Variants in DARS2 observed in about 807,000 individuals in gnomAD.
DARS2 encodes aspartate--tRNA ligase, mitochondrial.
In DARS2, 63 loss-of-function variants were observed where a neutral mutation model predicts 83.0. The observed-to-expected ratio is 0.76, with a 90% confidence interval of 0.62 to 0.94. The LOEUF is 0.94. DARS2 is among the 40% of genes least tolerant of loss of function. The pLI, the probability that DARS2 is intolerant of heterozygous loss-of-function variation, is 0.00. For missense variants in DARS2, 675 were observed against 774.4 expected, an observed-to-expected ratio of 0.87 and a Z score of 1.52; for synonymous variants, 250 against 269.3, an observed-to-expected ratio of 0.93 and a Z score of 0.70.
intron 15 of DARS2, among the ~76,000 whole-genome samples, chr1:173,855,559 T>G (rs900213537): frequency 2.6e-5 from 4 of 152,166 alleles, no homozygotes; most frequent in Non-Finnish European, 4.4e-5. Context: ...AGCCTCAAAC[T>G]CCTGGGATCA....
At chr1:173,832,683 C>A (rs1269093346) in intron 5 of DARS2, among the ~76,000 whole-genome samples, 1 of 150,652 alleles carries the variant, frequency 6.6e-6, no homozygotes, top group Non-Finnish European at 1.5e-5. Flanking sequence ...GCAGGAGAAT[C>A]GCTTGAACCC....
At chr1:173,844,235 C>A (rs1218259514) in intron 11 of DARS2, among the ~76,000 whole-genome samples, 1 of 152,142 alleles carries the variant, frequency 6.6e-6, no homozygotes. Flanking sequence ...TTTTAAGAAA[C>A]CTCAAATAAT....
intron 7 of DARS2, 55 bp downstream of exon 7, chr1:173,834,574 A>G: frequency 7.1e-7 from 1 of 1,406,966 alleles, no homozygotes; most frequent in Middle Eastern, 1.8e-4. Flanking sequence ...TTATAAAGCT[A>G]GACTACTTTG....
chr1:173,853,327 T>C (rs775586475), intron 13 of DARS2, 22 bp from the exon 14 acceptor site: 2 of 1,607,436 alleles, frequency 1.2e-6, no homozygotes, highest in African/African-American at 1.3e-5. Flanking sequence ...GTTAACTCAA[T>C]GTTTACGTCT....
At chr1:173,834,634 A>G in intron 7 of DARS2, 115 bp downstream of exon 7, 1 of 627,706 alleles carries the variant, frequency 1.6e-6, no homozygotes, top group Non-Finnish European at 2.8e-6. Flanking sequence ...GGATGGTCAT[A>G]TTAACTAGGT....
rs569842479 is a variant in DARS2 at position 173,845,282 on chromosome 1, T to C, written c.1182T>C (p.His394=). ...IESIRNFAAD[H]FNQEILPVFL... ...CCATTAGAAACTTTGCAGCTGACCA[T>C]TTTAATCAGGTAAGGAGTTAATTAG... The change falls in exon 12 of 17, where the codon CAT becomes CAC. Residue 394 remains histidine (H), a synonymous_variant. Transcript: ENST00000649689. 77 of 1,609,772 alleles carry C rather than the reference T, an allele frequency of 4.8e-5. No homozygotes were observed. The South Asian group carries it at 8.0e-4, about 17-fold the overall frequency.
In DARS2 at chr1:173,836,959, T is replaced by G; in HGVS notation, c.683T>G (p.Val228Gly). The G allele has an allele frequency of 1.2e-6, 2 of 1,613,998 alleles. No individual in the cohort carries two copies. The highest frequency in any genetic ancestry group is 1.7e-6 in the Non-Finnish European group (2 of 1,179,916). ...TGAAAGGGTGCCAAAGAGTTTTTAGTACCATCCAGGGAACCTGGAAAGTTT... is the reference window on the plus strand; with the variant it reads ...TGAAAGGGTGCCAAAGAGTTTTTAGGACCATCCAGGGAACCTGGAAAGTTT... Reference protein sequence around the residue: ...RTPGGAKEFLVPSREPGKFYS... With the variant: ...RTPGGAKEFLGPSREPGKFYS... The change falls in exon 8 of 17, where the codon GTA (valine) becomes GGA (glycine). Residue 228 changes from valine to glycine, a missense_variant. Transcript: ENST00000649689.
In DARS2 at chr1:173,824,908, C is replaced by G. The variant is rs1377151838; in HGVS notation, c.-322C>G. 2 of 356,456 alleles carry G rather than the reference C, an allele frequency of 5.6e-6. No individual in the cohort carries two copies. The highest frequency in any genetic ancestry group is 1.1e-5 in the Non-Finnish European group (2 of 182,580). The allele number at this position is 356,456 out of a possible 1,614,324, so 22.1% of individuals were successfully genotyped here. A position where few individuals can be genotyped will look rare whatever the true frequency, so the allele number is the denominator to read the frequency against. On this transcript the variant is annotated 5_prime_UTR_variant, in exon 1 of 17. Transcript: ENST00000649689. ...CGCCTCTGGTTGTCTTGGGCTCGCG[C>G]CTGGCGCCGCTACGTGGAGTCGCTC...
At position 173,850,460 on chromosome 1, in the gene DARS2, C is replaced by T; in HGVS notation, c.1325C>T (p.Ala442Val). 1 of 1,613,980 alleles carries T rather than the reference C, an allele frequency of 6.2e-7. No homozygotes were observed. The highest frequency in any genetic ancestry group is 8.5e-7 in the Non-Finnish European group (1 of 1,179,930). The change falls in exon 13 of 17, where the codon GCT (alanine) becomes GTT (valine). Residue 442 changes from alanine to valine, a missense_variant. By Grantham distance (64) the Ala-to-Val change is moderately conservative (BLOSUM62 0). Coordinates refer to ENST00000649689, the MANE Select transcript of DARS2 (RefSeq NM_018122.5). The stretch of plus-strand genomic sequence containing the variant: ...GAGGAAGATGTGGTCCTACTAACTG[C>T]TGGAGAGCACAATAAAGCAGTAAGA... Reference protein sequence around the residue: ...TQEEDVVLLTAGEHNKACSLL... With the variant: ...TQEEDVVLLTVGEHNKACSLL...
chr1:173,825,904 T>C (rs896961996), intron 1 of DARS2, among the ~76,000 whole-genome samples: 1 of 151,746 alleles, frequency 6.6e-6, no homozygotes, highest in African/African-American at 2.4e-5. Context: ...TATAGAATAC[T>C]CTGCTTTTGG....
At chr1:173,852,630 G>A (rs764352648) in intron 13 of DARS2, among the ~76,000 whole-genome samples, 17 of 151,728 alleles carry the variant, frequency 1.1e-4, no homozygotes, top group Non-Finnish European at 1.6e-4. Context: ...TCAGCCTCCC[G>A]AGTAGCTAGG....
intron 11 of DARS2, among the ~76,000 whole-genome samples, chr1:173,843,883 T>C (rs1241429976): frequency 6.6e-6 from 1 of 152,222 alleles, no homozygotes; most frequent in Admixed American, 6.5e-5. Context: ...ATCTCTTGGC[T>C]GTAGGAGAAG....
intron 16 of DARS2, among the ~76,000 whole-genome samples, 182 bp downstream of exon 16, chr1:173,856,923 CTT>C (rs1326840905): frequency 1.3e-5 from 2 of 152,110 alleles, no homozygotes; most frequent in Non-Finnish European, 2.9e-5. Context: ...AAAGATATAA[CTT>C]AACTGATAAT....
rs959244556 is a variant in DARS2, at chr1:173,824,904, C to G, written c.-326C>G. 1.1e-5 allele frequency: 4 copies of G among 355,672 alleles called. No individual in the cohort carries two copies. The highest frequency in any genetic ancestry group is 2.2e-5 in the Non-Finnish European group (4 of 182,002). 22.0% of individuals were successfully genotyped at this position (355,672 alleles called of 1,614,324 possible). A position where few individuals can be genotyped will look rare whatever the true frequency, so the allele number is the denominator to read the frequency against. On this transcript the variant is annotated 5_prime_UTR_variant, in exon 1 of 17. Transcript: ENST00000649689. Reference sequence around the variant, plus strand: ...TGACCGCCTCTGGTTGTCTTGGGCTCGCGCCTGGCGCCGCTACGTGGAGTC... The same window carrying G: ...TGACCGCCTCTGGTTGTCTTGGGCTGGCGCCTGGCGCCGCTACGTGGAGTC...
At chr1:173,838,742 A>ATTTTTTTTTTTTTTTT (rs1653099528) in intron 9 of DARS2, among the ~76,000 whole-genome samples, 1 of 151,630 alleles carries the variant, frequency 6.6e-6, no homozygotes. Flanking sequence ...TATTTTATTT[A>ATTTTTTTTTTTTTTTT]TTTTATTTTT....
chr1:173,849,541 A>G (rs1445680507), intron 12 of DARS2, among the ~76,000 whole-genome samples: 3 of 151,850 alleles, frequency 2.0e-5, no homozygotes, highest in African/African-American at 7.3e-5. Context: ...CAAAAAAAAA[A>G]AAAAAAAGCT....
intron 13 of DARS2, chr1:173,852,339 A>C (rs1653704421): frequency 2.9e-6 from 2 of 690,510 alleles, no homozygotes; most frequent in South Asian, 6.5e-5. Flanking sequence ...TTTAATCCTC[A>C]TGCCAACCCT....
At chr1:173,842,061 AAG>A (rs1346135723) in intron 11 of DARS2, among the ~76,000 whole-genome samples, 5 of 151,692 alleles carry the variant, frequency 3.3e-5, no homozygotes, top group South Asian at 2.1e-4. Flanking sequence ...GTGGGAGTAG[AAG>A]AGAGAGAGAG....
At position 173,833,493 on chromosome 1, in the gene DARS2, C is replaced by G. The variant is rs1020907363; in HGVS notation, c.610C>G (p.Leu204Val). 2 of 1,613,990 alleles carry G rather than the reference C, an allele frequency of 1.2e-6. No homozygotes were observed. The highest frequency in any genetic ancestry group is 8.5e-7 in the Non-Finnish European group (1 of 1,180,028). The change falls in exon 6 of 17, where the codon CTG becomes GTG. Residue 204 changes from leucine to valine, a missense_variant. Coordinates refer to ENST00000649689, the MANE Select transcript of DARS2 (RefSeq NM_018122.5). Reference sequence around the variant, plus strand: ...GAAAATGCGGGAATATCTCTGTAATCTGCATGGTAAGAGAAATGCCTGGAT... The same window carrying G: ...GAAAATGCGGGAATATCTCTGTAATGTGCATGGTAAGAGAAATGCCTGGAT... ...VMKMREYLCN[L>V]HGFVDIETPT...
Sources: gnomAD v4.1 joint callset for allele counts (sites outside exome capture counted in the v4.1 genomes callset) on GRCh38, gnomAD v4.1.1 for gene constraint, MANE v1.5 for transcripts, NCBI Gene and HGNC (gene_info 2026-07-23, HGNC 2026-07-21) for gene names.